Variants in MS4A4E observed in about 807,000 individuals in gnomAD.
The protein encoded by MS4A4E is membrane spanning 4-domains A4E.
MS4A4E carries 23 observed loss-of-function variants against 13.3 expected under a neutral mutation model. The ratio of observed to expected loss-of-function variants is 1.73; its 90% CI spans 1.25 to 2.45. The LOEUF (loss-of-function observed/expected upper bound fraction) is 2.45. MS4A4E is among the 30% of genes most tolerant of loss of function. The pLI, the probability that MS4A4E is intolerant of heterozygous loss-of-function variation, is 0.00. For missense variants in MS4A4E, 144 were observed against 131.2 expected (o/e 1.10, Z -0.48); for synonymous variants, 36 against 45.6 (o/e 0.79, Z 0.85).
chr11:60,233,322 C>A (rs1294031151), intron 1 of MS4A4E, among the ~76,000 whole-genome samples: 2 of 152,176 alleles, frequency 1.3e-5, no homozygotes, highest in Non-Finnish European at 2.9e-5. Flanking sequence ...CAACAGTAAC[C>A]TGCTCCCCAG....
intron 1 of MS4A4E, among the ~76,000 whole-genome samples, chr11:60,230,759 C>CAGTATAATG (rs2084399085): frequency 6.6e-6 from 1 of 152,198 alleles, no homozygotes; most frequent in South Asian, 2.1e-4. Context: ...TGTCTCTCCT[C>CAGTATAATG]AGTATAATGA....
At chr11:60,231,740 ATCAAAGTTAGTAGTAAAGGAG>A (rs1414618015) in intron 1 of MS4A4E, among the ~76,000 whole-genome samples, 1 of 152,194 alleles carries the variant, frequency 6.6e-6, no homozygotes, top group African/African-American at 2.4e-5. Flanking sequence ...TCTGAGAACT[ATCAAAGTTAGTAGTAAAGGAG>A]AAATCCCAAC....
intron 3 of MS4A4E, among the ~76,000 whole-genome samples, chr11:60,226,154 T>A (rs910870077): frequency 6.6e-6 from 1 of 151,610 alleles, no homozygotes; most frequent in Non-Finnish European, 1.5e-5. Flanking sequence ...AAATAAATAA[T>A]TAATTAATTT....
At chr11:60,220,872 A>T (rs2084261784) in intron 3 of MS4A4E, among the ~76,000 whole-genome samples, 1 of 152,164 alleles carries the variant, frequency 6.6e-6, no homozygotes, top group African/African-American at 2.4e-5. Flanking sequence ...TTGGCCCATT[A>T]ATCAAGAGAC....
At chr11:60,224,686 A>C (rs994989706) in intron 3 of MS4A4E, among the ~76,000 whole-genome samples, 2 of 152,372 alleles carry the variant, frequency 1.3e-5, no homozygotes, top group Admixed American at 6.5e-5. Context: ...GTTGTGAAAC[A>C]ATCAGTGCTT....
rs1291546192 is a variant in MS4A4E at position 60,204,949 on chromosome 11, A to G, written c.600T>C (p.Asp200=). Among the ~76,000 whole-genome samples the G allele has an allele frequency of 6.6e-6, 1 of 152,188 alleles. No homozygotes were observed. Among genetic ancestry groups the G allele is most frequent in the Non-Finnish European group, 1.5e-5 (1 of 68,026 alleles). ...AATAGACTTTTTCCAGATACTGTCC[A>G]TCTCCGGAGCTGGAGAAAGTAGACA... ...DVDSTVWCSG[D]GQYLEKVYYD... is the part of the protein sequence containing the mutation. Residue 200 remains aspartate, a synonymous_variant, in exon 8 of 9, where the codon GAT becomes GAC. Coordinates refer to ENST00000651255, the MANE Select transcript of MS4A4E (RefSeq NM_001393391.1).
chr11:60,209,002 T>C (rs1277532877), intron 5 of MS4A4E: 1 of 163,888 alleles, frequency 6.1e-6, no homozygotes, highest in Admixed American at 6.2e-5. Context: ...TCATATCCTA[T>C]TGAGTACTAG....
intron 3 of MS4A4E, among the ~76,000 whole-genome samples, chr11:60,227,553 AAT>A (rs372169588): frequency 1.2e-4 from 18 of 150,048 alleles, no homozygotes; most frequent in East Asian, 3.9e-4. Context: ...TCCATCTCAA[AAT>A]ATATATATAT....
At chr11:60,229,015 C>T (rs971537992) in intron 2 of MS4A4E, among the ~76,000 whole-genome samples, 1 of 152,138 alleles carries the variant, frequency 6.6e-6, no homozygotes, top group Non-Finnish European at 1.5e-5. Flanking sequence ...AGAGAATGAA[C>T]CCCATTGTGA....
At chr11:60,227,307 T>A (rs1427669824) in intron 3 of MS4A4E, among the ~76,000 whole-genome samples, 1 of 152,098 alleles carries the variant, frequency 6.6e-6, no homozygotes, top group Non-Finnish European at 1.5e-5. Context: ...ATCCCAGCAC[T>A]TTGGGAGGCC....
intron 3 of MS4A4E, among the ~76,000 whole-genome samples, chr11:60,220,280 C>T (rs2134944047): frequency 1.3e-5 from 2 of 152,346 alleles, no homozygotes; most frequent in Admixed American, 1.3e-4. Flanking sequence ...CAAGTAGTGA[C>T]TCCAGTTGCA....
chr11:60,223,625 C>A (rs766065193), intron 3 of MS4A4E, among the ~76,000 whole-genome samples: 10 of 152,136 alleles, frequency 6.6e-5, no homozygotes, highest in Non-Finnish European at 1.2e-4. Flanking sequence ...GAAAGGCAGA[C>A]CCACCCTCAA....
rs962436861 is a variant in MS4A4E at position 60,201,685 on chromosome 11, G to T, written c.854C>A (p.Pro285His). 5.4e-5 allele frequency: 14 copies of T among 260,470 alleles called. No individual in the cohort carries two copies. Among genetic ancestry groups the T allele is most frequent in the South Asian group, 3.6e-4 (12 of 33,128 alleles). The allele number at this position is 260,470 out of a possible 1,614,324, so 16.1% of individuals were successfully genotyped here. The stretch of plus-strand genomic sequence containing the variant: ...TTCCAGACTGGGCAGCCAGGCAGAG[G>T]GGCTCCTCACGTCCCAGACGATAGG... ...WPPIVWDVRS[P>H]SAWLPSLESE... The change falls in exon 9 of 9, where the codon CCC becomes CAC. Residue 285 changes from proline to histidine, a missense_variant. By Grantham distance (77) the Pro-to-His change is moderately conservative (BLOSUM62 -2). This residue lies in a region of MS4A4E where 21 missense variants were observed against 25.1 expected (regional missense o/e 0.84). Transcript: ENST00000651255.
intron 2 of MS4A4E, among the ~76,000 whole-genome samples, chr11:60,229,461 C>T (rs191408917): frequency 1.6e-4 from 25 of 152,238 alleles, no homozygotes; most frequent in Admixed American, 3.3e-4. Context: ...TTTTTAGACA[C>T]GTTCGCCTGA....
intron 3 of MS4A4E, among the ~76,000 whole-genome samples, chr11:60,226,303 T>C (rs941751432): frequency 4.6e-5 from 7 of 151,368 alleles, no homozygotes; most frequent in African/African-American, 1.7e-4. Context: ...CACTATTATC[T>C]ACCAAAAAAA....
At chr11:60,230,262 C>G (rs1295889695) in intron 1 of MS4A4E, among the ~76,000 whole-genome samples, 191 bp from the exon 2 acceptor site, 1 of 151,882 alleles carries the variant, frequency 6.6e-6, no homozygotes, top group Non-Finnish European at 1.5e-5. Context: ...GAGAGAGAGA[C>G]TTAAATGTTA....
At chr11:60,210,697 C>T (rs1178414088) in intron 5 of MS4A4E, among the ~76,000 whole-genome samples, 19 of 151,990 alleles carry the variant, frequency 1.3e-4, no homozygotes, top group Admixed American at 1.2e-3. Context: ...CTTATGTCTA[C>T]CAGGGTGCCA....
At position 60,205,705 on chromosome 11, in the gene MS4A4E, A is replaced by G. The variant is rs1180719190; in HGVS notation, c.590+9T>C. On this transcript the variant is annotated intron_variant, in intron 7 of 8. Transcript: ENST00000651255. ...AGGGTTGTCTGATTAGAAAGTCCACATTATTTACCACCATACAGTACTGTC... is the reference window on the plus strand; with the variant it reads ...AGGGTTGTCTGATTAGAAAGTCCACGTTATTTACCACCATACAGTACTGTC... 6.6e-6 allele frequency among the ~76,000 whole-genome samples: 1 copy of G among 152,226 alleles called. No homozygotes were observed. Among genetic ancestry groups the G allele is most frequent in the Non-Finnish European group, 1.5e-5 (1 of 68,036 alleles).
intron 1 of MS4A4E, among the ~76,000 whole-genome samples, chr11:60,241,046 C>T (rs759143257): frequency 5.9e-5 from 9 of 151,984 alleles, no homozygotes; most frequent in Non-Finnish European, 7.4e-5. Context: ...TATTTTGAGG[C>T]GGAGTCTCGC....
Sources: gnomAD v4.1 joint callset for allele counts (sites outside exome capture counted in the v4.1 genomes callset) on GRCh38, gnomAD v4.1.1 for gene constraint, gnomAD v4.1.1 regional missense constraint, MANE v1.5 for transcripts, NCBI Gene and HGNC (gene_info 2026-07-23, HGNC 2026-07-21) for gene names.